ZNF277: variants seen among roughly 807,000 people sequenced by gnomAD.
The protein encoded by ZNF277 is nuclear receptor-interacting factor 4.
Under a neutral mutation model 60.7 loss-of-function variants are expected in ZNF277, and 55 were observed. The ratio of observed to expected loss-of-function variants is 0.91; its 90% CI spans 0.73 to 1.13. ZNF277 has a LOEUF of 1.13. ZNF277 is among the 50% of genes most tolerant of loss of function. ZNF277 has a pLI of 0.00. For missense variants in ZNF277, 510 were observed against 523.0 expected (o/e 0.98, Z 0.24); for synonymous variants, 178 against 179.3 (o/e 0.99, Z 0.06).
At chr7:112,322,388 C>T (rs1793004359) in intron 5 of ZNF277, among the ~76,000 whole-genome samples, 1 of 151,644 alleles carries the variant, frequency 6.6e-6, no homozygotes, top group Non-Finnish European at 1.5e-5. Flanking sequence ...CTGGAAAATC[C>T]CATTTGACCA....
chr7:112,252,625 A>G (rs1791225186), intron 1 of ZNF277, among the ~76,000 whole-genome samples: 1 of 152,164 alleles, frequency 6.6e-6, no homozygotes, highest in South Asian at 2.1e-4. Context: ...GGGGCATACA[A>G]TATAATTTAC....
At chr7:112,255,328 A>C (rs1791284698) in intron 1 of ZNF277, among the ~76,000 whole-genome samples, 2 of 152,322 alleles carry the variant, frequency 1.3e-5, no homozygotes, top group Admixed American at 6.5e-5. Context: ...TTATCACATA[A>C]AGTTTTAAGA....
chr7:112,225,505 C>T (rs1209311045), intron 1 of ZNF277, among the ~76,000 whole-genome samples: 1 of 152,118 alleles, frequency 6.6e-6, no homozygotes, highest in Non-Finnish European at 1.5e-5. Context: ...ATTGATAGAA[C>T]ACATTAAATT....
intron 1 of ZNF277, among the ~76,000 whole-genome samples, chr7:112,248,517 AAC>A (rs1466657813): frequency 6.6e-6 from 1 of 152,172 alleles, no homozygotes; most frequent in African/African-American, 2.4e-5. Context: ...CATTTATAAT[AAC>A]ACATCAATAA....
intron 4 of ZNF277, among the ~76,000 whole-genome samples, chr7:112,309,347 C>T (rs1361925741): frequency 1.3e-5 from 2 of 151,874 alleles, no homozygotes; most frequent in African/African-American, 2.4e-5. Flanking sequence ...AAACTGTGTT[C>T]AGGGAAGATT....
rs180762323 is a variant in ZNF277 at position 112,252,998 on chromosome 7, G to A, written c.92-33875G>A. ...CAGAGAGGAAGCAGGCCTATAAACA[G>A]GCAAATCACAATATGGTTTGATAAG... On this transcript the variant is annotated intron_variant, in intron 1 of 11. Transcript: ENST00000361822. Among the ~76,000 whole-genome samples the A allele has an allele frequency of 3.2e-4, 49 of 152,230 alleles. No homozygotes were observed. The East Asian group carries it at 8.7e-3, about 27-fold the overall frequency.
At chr7:112,223,172 C>T (rs1822079745) in intron 1 of ZNF277, among the ~76,000 whole-genome samples, 1 of 152,234 alleles carries the variant, frequency 6.6e-6, no homozygotes, top group Non-Finnish European at 1.5e-5. Flanking sequence ...CGTAGCATGT[C>T]TCCCAGCTGA....
intron 4 of ZNF277, among the ~76,000 whole-genome samples, chr7:112,316,304 C>T (rs1434097786): frequency 6.6e-6 from 1 of 151,926 alleles, no homozygotes; most frequent in East Asian, 1.9e-4. Context: ...CCTTTGCCCA[C>T]TTTTTGAAGG....
intron 1 of ZNF277, among the ~76,000 whole-genome samples, chr7:112,259,137 TG>T (rs1791387542): frequency 6.6e-6 from 1 of 152,182 alleles, no homozygotes. Flanking sequence ...CATTCAGTGC[TG>T]GATTTAATTA....
At chr7:112,214,445 C>T (rs559783554) in intron 1 of ZNF277, among the ~76,000 whole-genome samples, 2 of 152,298 alleles carry the variant, frequency 1.3e-5, no homozygotes, top group East Asian at 1.9e-4. Context: ...AGACTTGCCA[C>T]CTCATGCTGA....
At chr7:112,305,869 G>A (rs1044292924) in intron 4 of ZNF277, among the ~76,000 whole-genome samples, 2 of 152,016 alleles carry the variant, frequency 1.3e-5, no homozygotes, top group African/African-American at 4.8e-5. Context: ...CAGACTCTGA[G>A]TGCTCACACT....
At chr7:112,239,608 G>A (rs756389990) in intron 1 of ZNF277, among the ~76,000 whole-genome samples, 1 of 152,154 alleles carries the variant, frequency 6.6e-6, no homozygotes, top group African/African-American at 2.4e-5. Flanking sequence ...AGAGAATTCT[G>A]GATTAGGCAA....
At chr7:112,242,373 A>G (rs1489622528) in intron 1 of ZNF277, among the ~76,000 whole-genome samples, 1 of 152,028 alleles carries the variant, frequency 6.6e-6, no homozygotes, top group African/African-American at 2.4e-5. Flanking sequence ...CACCATTGGA[A>G]AAGAGGAAGC....
chr7:112,243,482 A>G (rs1791007031), intron 1 of ZNF277, among the ~76,000 whole-genome samples: 1 of 149,368 alleles, frequency 6.7e-6, no homozygotes, highest in African/African-American at 2.4e-5. Context: ...CAACTAAACA[A>G]GAAAAAAAAA....
At chr7:112,326,411 A>G (rs1357389235) in intron 5 of ZNF277, among the ~76,000 whole-genome samples, 4 of 152,164 alleles carry the variant, frequency 2.6e-5, no homozygotes, top group East Asian at 1.9e-4. Flanking sequence ...ACTGCCTACA[A>G]GAGGCTCTCA....
At chr7:112,302,960 T>A (rs565238524) in intron 4 of ZNF277, among the ~76,000 whole-genome samples, 1 of 150,858 alleles carries the variant, frequency 6.6e-6, no homozygotes, top group East Asian at 1.9e-4. Context: ...TTTTTTTTTT[T>A]TTTTTTGAGA....
At chr7:112,301,276 T>C (rs528818685) in intron 4 of ZNF277, among the ~76,000 whole-genome samples, 74 of 152,064 alleles carry the variant, frequency 4.9e-4, no homozygotes, top group Non-Finnish European at 8.4e-4. Context: ...GTGCTGGAAT[T>C]ACAAGAGCAA....
At chr7:112,270,869 C>A (rs1025097878) in intron 1 of ZNF277, among the ~76,000 whole-genome samples, 3 of 151,860 alleles carry the variant, frequency 2.0e-5, no homozygotes, top group Non-Finnish European at 2.9e-5. Flanking sequence ...TAAAGCATAT[C>A]TCTGTCTAAG....
intron 1 of ZNF277, among the ~76,000 whole-genome samples, chr7:112,272,778 G>GC (rs1232617659): frequency 3.3e-5 from 5 of 152,152 alleles, no homozygotes; most frequent in African/African-American, 1.2e-4. Context: ...ACAGGCGTGA[G>GC]CCACTGTACC....
Sources: gnomAD v4.1 joint callset for allele counts (sites outside exome capture counted in the v4.1 genomes callset) on GRCh38, gnomAD v4.1.1 for gene constraint, MANE v1.5 for transcripts, NCBI Gene and HGNC (gene_info 2026-07-23, HGNC 2026-07-21) for gene names.